TENM2: variants seen among roughly 807,000 people sequenced by gnomAD.
TENM2 encodes teneurin-2.
A neutral mutation model predicts 245.2 loss-of-function variants in TENM2; 52 were observed. That is an observed-to-expected ratio of 0.21 (90% confidence interval 0.17 to 0.27). The LOEUF is 0.27. Ranked by LOEUF, TENM2 falls within the 10% of genes least tolerant of loss-of-function variation. The pLI, the probability that TENM2 is intolerant of heterozygous loss-of-function variation, is 1.00. For synonymous variants in TENM2, 1,363 were observed against 1,438.9 expected (o/e 0.95, Z 1.19); for missense variants, 3,046 against 3,666.8 (o/e 0.83, Z 4.37).
chr5:168,047,511 G>A (rs1788710390), exon 6 of TENM2: 1 of 1,551,644 alleles, frequency 6.4e-7, no homozygotes, highest in South Asian at 1.2e-5. Context: ...GGCTTACCAG[G>A]AAACGATGAT....
chr5:168,088,636 T>A (rs931347246), intron 7 of TENM2, among the ~76,000 whole-genome samples: 2 of 152,206 alleles, frequency 1.3e-5, no homozygotes, highest in Non-Finnish European at 2.9e-5. Flanking sequence ...TCTCATGTCA[T>A]CCTTATAACC....
intron 2 of TENM2, among the ~76,000 whole-genome samples, chr5:167,414,502 T>A (rs1163968740): frequency 6.6e-6 from 1 of 152,060 alleles, no homozygotes; most frequent in African/African-American, 2.4e-5. Flanking sequence ...AAACAAAAGC[T>A]AACACTCGGC....
At chr5:168,083,305 G>T (rs530534939) in intron 7 of TENM2, among the ~76,000 whole-genome samples, 2 of 152,204 alleles carry the variant, frequency 1.3e-5, no homozygotes, top group African/African-American at 4.8e-5. Context: ...TTGGAAAAGC[G>T]CAGTATTAGG....
At chr5:167,269,819 C>A in the TENM2 span, among the ~76,000 whole-genome samples, 1 of 152,270 alleles carries the variant, frequency 6.6e-6, no homozygotes, top group South Asian at 2.1e-4. Flanking sequence ...TAAGACCCTT[C>A]TCTCTTTATT....
chr5:167,300,282 CTG>C (rs1413432697), intron 1 of TENM2, among the ~76,000 whole-genome samples: 3 of 152,196 alleles, frequency 2.0e-5, no homozygotes, highest in African/African-American at 7.2e-5. Context: ...AGGGGACTGT[CTG>C]TGAAGCCTTG....
chr5:168,180,692 T>A (rs1339332093), intron 13 of TENM2, among the ~76,000 whole-genome samples: 1 of 152,158 alleles, frequency 6.6e-6, no homozygotes, highest in African/African-American at 2.4e-5. Flanking sequence ...AGTCAGGAGT[T>A]CGAGACCAGC....
chr5:167,951,073 C>T (rs972739257), intron 3 of TENM2, among the ~76,000 whole-genome samples: 1 of 152,168 alleles, frequency 6.6e-6, no homozygotes, highest in African/African-American at 2.4e-5. Flanking sequence ...TTTTGTTGGT[C>T]AGGATGCTCT....
chr5:167,649,294 C>T (rs1408932655), intron 2 of TENM2, among the ~76,000 whole-genome samples: 1 of 152,176 alleles, frequency 6.6e-6, no homozygotes, highest in East Asian at 1.9e-4. Flanking sequence ...TGCAAGTTAA[C>T]ATCCTCCAAG....
chr5:167,559,107 A>C (rs1773430034), intron 2 of TENM2, among the ~76,000 whole-genome samples: 1 of 152,208 alleles, frequency 6.6e-6, no homozygotes, highest in Admixed American at 6.5e-5. Context: ...ATGCAGTTTG[A>C]ATGGTTGTGA....
chr5:167,108,533 C>T, the TENM2 span, among the ~76,000 whole-genome samples: 1 of 152,184 alleles, frequency 6.6e-6, no homozygotes, highest in African/African-American at 2.4e-5. Flanking sequence ...ATTTTTAATC[C>T]AGTAACATTA....
chr5:167,949,966 G>A (rs1260016085), intron 3 of TENM2, among the ~76,000 whole-genome samples: 6 of 152,168 alleles, frequency 3.9e-5, no homozygotes, highest in African/African-American at 1.2e-4. Context: ...GAGAACGCTG[G>A]ATAATTTTTG....
intron 2 of TENM2, among the ~76,000 whole-genome samples, chr5:167,457,592 C>G (rs1766002629): frequency 6.6e-6 from 1 of 152,020 alleles, no homozygotes; most frequent in Non-Finnish European, 1.5e-5. Context: ...GGTGATCTGC[C>G]CACTCGGCCT....
intron 2 of TENM2, among the ~76,000 whole-genome samples, chr5:167,631,214 T>A (rs376007885): frequency 4.6e-5 from 7 of 152,228 alleles, no homozygotes; most frequent in African/African-American, 1.7e-4. Context: ...CACAATTACT[T>A]CAGCTAGTGA....
chr5:167,690,377 G>A (rs1757346929), intron 2 of TENM2, among the ~76,000 whole-genome samples: 1 of 151,902 alleles, frequency 6.6e-6, no homozygotes, highest in African/African-American at 2.4e-5. Context: ...AACAGATTGG[G>A]GTTTTTTCCC....
At chr5:168,259,907 A>T (rs1024233333) in intron 27 of TENM2, among the ~76,000 whole-genome samples, 2 of 152,186 alleles carry the variant, frequency 1.3e-5, no homozygotes, top group African/African-American at 4.8e-5. Context: ...TTCTCCTTTG[A>T]TCCTCATAAC....
rs1391438053 is a variant in TENM2 at position 168,171,091 on chromosome 5, C to T, written c.2569+8334C>T. On this transcript the variant is annotated intron_variant, in intron 13 of 28. Transcript: ENST00000518659. ...AATGCTCAGTCAAGGCACATTGTAT[C>T]ACTGGCTCAATGTAGTCATTCAGTT... is the stretch of plus-strand genomic sequence containing the variant. Among the ~76,000 whole-genome samples, 4 of 152,346 alleles carry T rather than the reference C, an allele frequency of 2.6e-5. 1 individual carries two copies. Among genetic ancestry groups the T allele is most frequent in the African/African-American group, 9.6e-5 (4 of 41,588 alleles).
chr5:168,196,912 A>G (rs1761481034), intron 15 of TENM2, among the ~76,000 whole-genome samples: 2 of 152,130 alleles, frequency 1.3e-5, no homozygotes, highest in African/African-American at 4.8e-5. Flanking sequence ...CCCCAAGTCC[A>G]CTTCCCAGAT....
the TENM2 span, among the ~76,000 whole-genome samples, chr5:167,005,067 A>T: frequency 1.3e-5 from 2 of 152,136 alleles, no homozygotes; most frequent in Non-Finnish European, 2.9e-5. Flanking sequence ...TTTTTTAAAT[A>T]AAAAAAACTA....
At chr5:167,967,798 C>T (rs888954402) in intron 4 of TENM2, among the ~76,000 whole-genome samples, 7 of 152,212 alleles carry the variant, frequency 4.6e-5, no homozygotes, top group African/African-American at 1.7e-4. Context: ...ATATTTCCAT[C>T]TCTGTCTGTG....
Sources: allele counts gnomAD v4.1 joint callset (sites outside exome capture counted in the v4.1 genomes callset), GRCh38; gene constraint gnomAD v4.1.1; transcripts MANE v1.5; gene names NCBI Gene and HGNC (gene_info 2026-07-23, HGNC 2026-07-21).